UPF3B: variants seen among roughly 807,000 people sequenced by gnomAD.
UPF3B encodes UPF3B regulator of nonsense mediated mRNA decay.
A neutral mutation model predicts 40.3 loss-of-function variants in UPF3B; 7 were observed. The observed-to-expected ratio is 0.17, with a 90% CI of 0.10 to 0.33. The LOEUF is 0.33. Ranked by LOEUF, UPF3B falls within the 10% of genes least tolerant of loss-of-function variation. The probability of loss-of-function intolerance (pLI) is 1.00; values close to 1 mark genes in which losing one functional copy is unlikely to be tolerated. For missense variants in UPF3B, 229 were observed against 358.9 expected (o/e 0.64, Z 2.93); for synonymous variants, 117 against 117.3 (o/e 1.00, Z 0.01).
intron 10 of UPF3B, among the ~76,000 whole-genome samples, chrX:119,836,057 T>TA (rs900047683): frequency 1.8e-5 from 2 of 110,631 alleles, no homozygotes; most frequent in Non-Finnish European, 1.9e-5. Flanking sequence ...TAGGTCCTAT[T>TA]AAAAAAAAGA....
At chrX:119,850,338 G>A (rs2033313930) in intron 3 of UPF3B, among the ~76,000 whole-genome samples, 2 of 111,442 alleles carry the variant, frequency 1.8e-5, no homozygotes, top group Non-Finnish European at 3.8e-5. Flanking sequence ...ACATGTAAGA[G>A]ATTTTTAAAA....
chrX:119,832,508 C>T (rs1323616868), downstream of UPF3B, among the ~76,000 whole-genome samples: 4 of 110,525 alleles, frequency 3.6e-5, no homozygotes, highest in African/African-American at 6.8e-5. Flanking sequence ...ATCCACCCAC[C>T]GTGGCTTCCG....
At chrX:119,842,605 T>TACACACACACACACACAC (rs543555558) in intron 5 of UPF3B, among the ~76,000 whole-genome samples, 11 of 91,400 alleles carry the variant, frequency 1.2e-4, no homozygotes, top group African/African-American at 4.2e-4. Flanking sequence ...CACACACACA[T>TACACACACACACACACAC]ACACACACAC....
chrX:119,834,158 G>A lies in UPF3B; in HGVS notation c.*720C>T, dbSNP rs940231740. On this transcript the variant is annotated 3_prime_UTR_variant, in exon 11 of 11. Transcript: ENST00000276201. ...TATGCACTCAGATCATGAGACCTAA[G>A]ATCAAACACACTGGATTGTCAAGAG... is the stretch of plus-strand genomic sequence containing the variant. The A allele has an allele frequency of 1.3e-6, 1 of 755,005 alleles. No individual in the cohort carries two copies. The allele number at this position is 755,005 out of a possible 1,213,427, so 62.2% of individuals were successfully genotyped here.
chrX:119,836,942 G>A (rs1468301929), intron 10 of UPF3B, among the ~76,000 whole-genome samples: 17 of 97,960 alleles, frequency 1.7e-4, no homozygotes, highest in Admixed American at 1.7e-3. Context: ...GAGCCACCGC[G>A]CCCGGCCAGT....
intron 4 of UPF3B, among the ~76,000 whole-genome samples, chrX:119,821,520 G>A (rs1297320728): frequency 8.9e-6 from 1 of 112,528 alleles, no homozygotes; most frequent in Non-Finnish European, 1.9e-5. Context: ...ACAGCTGGCT[G>A]GGCGTGGTGG....
At chrX:119,837,448 T>C (rs1035224669) in intron 10 of UPF3B, among the ~76,000 whole-genome samples, 6 of 105,576 alleles carry the variant, frequency 5.7e-5, no homozygotes, top group Admixed American at 3.1e-4. Context: ...ACCCTGTCTC[T>C]ACTAAAAATA....
intron 5 of UPF3B, among the ~76,000 whole-genome samples, chrX:119,811,572 G>A (rs376562510): frequency 2.8e-5 from 3 of 107,696 alleles, no homozygotes; most frequent in East Asian, 5.9e-4. Flanking sequence ...CTTGAACCCC[G>A]GAGGCAGAGG....
intron 4 of UPF3B, among the ~76,000 whole-genome samples, chrX:119,822,784 T>A (rs779171887): frequency 9.0e-6 from 1 of 111,061 alleles, no homozygotes; most frequent in Non-Finnish European, 1.9e-5. Flanking sequence ...ATTTTTGTAG[T>A]TTTAGTAGAG....
chrX:119,822,224 G>A (rs1349309897), intron 4 of UPF3B, among the ~76,000 whole-genome samples: 2 of 112,464 alleles, frequency 1.8e-5, no homozygotes, highest in African/African-American at 6.4e-5. Context: ...ATCCTTCCCT[G>A]TACTTATAGA....
At chrX:119,826,793 C>T (rs1042516417) in intron 3 of UPF3B, among the ~76,000 whole-genome samples, 1 of 112,059 alleles carries the variant, frequency 8.9e-6, no homozygotes, top group Non-Finnish European at 1.9e-5. Context: ...TGATACGTGG[C>T]TTTCCCAGTA....
chrX:119,818,901 AATATCAAAGCAATGACTC>A (rs1365121129), intron 4 of UPF3B, among the ~76,000 whole-genome samples: 10 of 111,232 alleles, frequency 9.0e-5, no homozygotes, highest in Admixed American at 3.9e-4. Flanking sequence ...AAGACAAAGC[AATATCAAAGCAATGACTC>A]TGAAGAGGTG....
chrX:119,828,910 G>A (rs1202138913), intron 3 of UPF3B, among the ~76,000 whole-genome samples: 1 of 110,428 alleles, frequency 9.1e-6, no homozygotes, highest in Non-Finnish European at 1.9e-5. Context: ...TAGTAGAGAC[G>A]GGGTTTCACC....
At chrX:119,851,456 CAAAG>C (rs750619869) in intron 3 of UPF3B, 35 bp downstream of exon 3, 1 of 1,018,425 alleles carries the variant, frequency 9.8e-7, no homozygotes, top group Non-Finnish European at 1.4e-6. Flanking sequence ...ATACAAATGA[CAAAG>C]AAATTCCCTT....
chrX:119,826,412 G>T (rs998769083), intron 3 of UPF3B, among the ~76,000 whole-genome samples: 1 of 110,741 alleles, frequency 9.0e-6, no homozygotes, highest in Non-Finnish European at 1.9e-5. Flanking sequence ...AACCCAGGAG[G>T]CAGAGGTTGC....
At chrX:119,829,084 CA>C (rs1205312915), downstream of UPF3B, among the ~76,000 whole-genome samples, 1 of 111,407 alleles carries the variant, frequency 9.0e-6, no homozygotes, top group Non-Finnish European at 1.9e-5. Context: ...TGCAGTGGCA[CA>C]ATCTCGGCTT....
chrX:119,828,499 G>A (rs1196566255), intron 3 of UPF3B, among the ~76,000 whole-genome samples: 2 of 110,771 alleles, frequency 1.8e-5, no homozygotes, highest in Non-Finnish European at 3.8e-5. Flanking sequence ...TGGGAAAACC[G>A]TATCTCTACA....
intron 6 of UPF3B, among the ~76,000 whole-genome samples, chrX:119,807,048 A>G (rs896701796): frequency 1.2e-4 from 12 of 97,613 alleles, no homozygotes; most frequent in African/African-American, 3.1e-4. Flanking sequence ...AAAAAAAAAA[A>G]AAAGAAAAAA....
chrX:119,829,421 C>T (rs2056014651), downstream of UPF3B, among the ~76,000 whole-genome samples: 2 of 112,091 alleles, frequency 1.8e-5, no homozygotes, highest in African/African-American at 6.5e-5. Flanking sequence ...TTGTACTTCT[C>T]TAAAAAGTTG....
Sources: allele counts gnomAD v4.1 joint callset (sites outside exome capture counted in the v4.1 genomes callset), GRCh38; gene constraint gnomAD v4.1.1; transcripts MANE v1.5; gene names NCBI Gene and HGNC (gene_info 2026-07-23, HGNC 2026-07-21).